The following UBE2L3 variants were observed in gnomAD, a reference collection of about 807,000 sequenced individuals.
The protein encoded by UBE2L3 is ubiquitin-conjugating enzyme E2 L3.
UBE2L3 carries 1 observed loss-of-function variant against 17.8 expected under a neutral mutation model. The ratio of observed to expected loss-of-function variants is 0.06; its 90% confidence interval spans 0.02 to 0.27. The LOEUF (loss-of-function observed/expected upper bound fraction) is 0.27, where lower values mean the gene tolerates loss of function less well. UBE2L3 is among the 10% of genes least tolerant of loss of function. The pLI is 1.00. For synonymous variants in UBE2L3, 44 were observed against 68.5 expected (o/e 0.64, Z 1.76); for missense variants, 40 against 192.6 (o/e 0.21, Z 4.69).
intron 2 of UBE2L3, among the ~76,000 whole-genome samples, chr22:21,601,682 G>T (rs1222068521): frequency 4.0e-5 from 6 of 151,816 alleles, no homozygotes; most frequent in Admixed American, 1.3e-4. Context: ...CCAGCCTGGG[G>T]CAGGGCCAGG....
chr22:21,614,436 AAAAAG>A, intron 3 of UBE2L3: 29 of 547,730 alleles, frequency 5.3e-5, no homozygotes, highest in Middle Eastern at 3.4e-4. Flanking sequence ...CCAAAAAAAA[AAAAAG>A]AAAGAAAGAA....
chr22:21,600,505 G>T (rs988909637), intron 2 of UBE2L3, among the ~76,000 whole-genome samples: 1 of 152,004 alleles, frequency 6.6e-6, no homozygotes, highest in African/African-American at 2.4e-5. Context: ...AGACCAGCCT[G>T]GCCAACATGG....
Position 21,569,512 on chromosome 22 carries a change from C to G in UBE2L3, c.27+1741C>G, listed in dbSNP as rs192584255. 5.3e-5 allele frequency among the ~76,000 whole-genome samples: 8 copies of G among 152,268 alleles called. No individual in the cohort carries two copies. The East Asian group carries it at 1.5e-3, about 29-fold the overall frequency. On this transcript the variant is annotated intron_variant, in intron 1 of 3. Coordinates refer to ENST00000342192, the MANE Select transcript of UBE2L3 (RefSeq NM_003347.4). ...GTGCCCTCCCAAGTGCTCTCCTCCC[C>G]AGACTACCCCTGACGGACACCAGAG...
upstream of UBE2L3, chr22:21,567,604 C>T: frequency 6.6e-7 from 1 of 1,508,152 alleles, no homozygotes; most frequent in Non-Finnish European, 8.9e-7. Flanking sequence ...CCCCCCAGCA[C>T]AGTGGGAAGC....
chr22:21,567,831 C>G (rs1335400086), intron 1 of UBE2L3, 60 bp downstream of exon 1: 2 of 1,556,988 alleles, frequency 1.3e-6, no homozygotes, highest in African/African-American at 1.4e-5. Flanking sequence ...TCCGGATCCC[C>G]GAGGCAGGCG....
Position 21,586,875 on chromosome 22 carries a change from CTTTTTTTT to C in UBE2L3, c.28-5971_28-5964del, listed in dbSNP as rs34463645. Among the ~76,000 whole-genome samples the C allele has an allele frequency of 6.7e-5, 8 of 118,930 alleles. 1 individual carries two copies. Among genetic ancestry groups the C allele is most frequent in the African/African-American group, 2.2e-4 (7 of 31,170 alleles). 78.0% of individuals were successfully genotyped at this position (118,930 alleles called of 152,430 possible). A position where few individuals can be genotyped will look rare whatever the true frequency, so the allele number is the denominator to read the frequency against. On this transcript the variant is annotated intron_variant, in intron 1 of 3. Transcript: ENST00000342192. ...ACAGGTGTGAGCCACTGTGCCCGGC[CTTTTTTTT>C]TTTTTTTTTTTTTTAAGATAGGTTC...
At position 21,623,380 on chromosome 22, in the gene UBE2L3, C is replaced by G. The variant is rs1031889270; in HGVS notation, c.*1711C>G. Reference sequence around the variant, plus strand: ...CCTTGTGCCCGGGATGGCAAGGGCACCGGGCTGGCGTTTCCACATCTGTCT... The same window carrying G: ...CCTTGTGCCCGGGATGGCAAGGGCAGCGGGCTGGCGTTTCCACATCTGTCT... On this transcript the variant is annotated 3_prime_UTR_variant, in exon 4 of 4. Transcript: ENST00000342192. 5 of 152,726 alleles carry G rather than the reference C, an allele frequency of 3.3e-5. No homozygotes were observed. Among genetic ancestry groups the G allele is most frequent in the African/African-American group, 1.2e-4 (5 of 41,428 alleles). 9.5% of individuals were successfully genotyped at this position (152,726 alleles called of 1,614,324 possible).
chr22:21,603,735 C>T lies in UBE2L3; in HGVS notation c.124-7122C>T, dbSNP rs144591884. On this transcript the variant is annotated intron_variant, in intron 2 of 3. Coordinates refer to ENST00000342192, the MANE Select transcript of UBE2L3 (RefSeq NM_003347.4). ...GTGGGTGCCTGTAGTCCTAGCTACT[C>T]GGGAGGCTGAGGCAGGAGAATGATA... Among the ~76,000 whole-genome samples the T allele has an allele frequency of 9.9e-3, 1,452 of 146,806 alleles. 28 individuals are homozygous for T. Among genetic ancestry groups the T allele is most frequent in the African/African-American group, 0.035 (1,383 of 39,618 alleles).
intron 1 of UBE2L3, 43 bp from the exon 2 acceptor site, chr22:21,592,818 C>T: frequency 6.8e-7 from 1 of 1,477,018 alleles, no homozygotes; most frequent in Non-Finnish European, 9.5e-7. Context: ...ATATGTGGTG[C>T]TTTCCCCTAT....
intron 2 of UBE2L3, among the ~76,000 whole-genome samples, chr22:21,607,801 G>A (rs959330078): frequency 6.6e-6 from 1 of 152,186 alleles, no homozygotes; most frequent in Admixed American, 6.5e-5. Context: ...TGCTGGCCCT[G>A]CCTGGTGATC....
intron 1 of UBE2L3, among the ~76,000 whole-genome samples, chr22:21,577,461 G>T (rs932647666): frequency 6.6e-6 from 1 of 152,212 alleles, no homozygotes; most frequent in Admixed American, 6.5e-5. Context: ...TCTGGTGGCT[G>T]TGTAGTTTCT....
intron 1 of UBE2L3, among the ~76,000 whole-genome samples, chr22:21,585,894 T>C (rs1320527211): frequency 6.6e-6 from 1 of 152,118 alleles, no homozygotes; most frequent in Admixed American, 6.6e-5. Context: ...TTCCTACATA[T>C]TTTGTTGGGG....
intron 1 of UBE2L3, among the ~76,000 whole-genome samples, chr22:21,588,736 T>C (rs1386977733): frequency 6.6e-6 from 1 of 152,000 alleles, no homozygotes; most frequent in African/African-American, 2.4e-5. Flanking sequence ...CAATCTTGGC[T>C]CACTACAACC....
intron 1 of UBE2L3, among the ~76,000 whole-genome samples, chr22:21,585,138 T>C (rs1406238531): frequency 6.6e-6 from 1 of 152,224 alleles, no homozygotes; most frequent in Non-Finnish European, 1.5e-5. Context: ...GTTCTTGTCC[T>C]GAGCAGCCCT....
chr22:21,567,987 C>A (rs1376423213), intron 1 of UBE2L3: 3 of 1,363,984 alleles, frequency 2.2e-6, no homozygotes, highest in East Asian at 3.1e-5. Flanking sequence ...GAGCCGCTGT[C>A]GGCCCCTCAG....
chr22:21,585,936 T>C, intron 1 of UBE2L3, among the ~76,000 whole-genome samples: 1 of 152,194 alleles, frequency 6.6e-6, no homozygotes, highest in South Asian at 2.1e-4. Flanking sequence ...GGATTTCTTT[T>C]CTAGTTTTTC....
At chr22:21,619,499 C>G (rs911553404) in intron 3 of UBE2L3, among the ~76,000 whole-genome samples, 3 of 152,216 alleles carry the variant, frequency 2.0e-5, no homozygotes, top group East Asian at 1.9e-4. Context: ...CTCTGCCCCA[C>G]TGCTTCACCT....
At chr22:21,615,869 A>G (rs1198170179) in intron 3 of UBE2L3, among the ~76,000 whole-genome samples, 2 of 152,186 alleles carry the variant, frequency 1.3e-5, no homozygotes, top group Non-Finnish European at 2.9e-5. Context: ...TGGGCTGTCT[A>G]ATGCCAAACT....
chr22:21,613,975 T>G (rs1250075638), intron 3 of UBE2L3, among the ~76,000 whole-genome samples: 3 of 152,184 alleles, frequency 2.0e-5, no homozygotes, highest in Admixed American at 2.0e-4. Flanking sequence ...AGTCCAGATT[T>G]AATGAGAGGG....
Sources: allele counts gnomAD v4.1 joint callset (sites outside exome capture counted in the v4.1 genomes callset), GRCh38; gene constraint gnomAD v4.1.1; transcripts MANE v1.5; gene names NCBI Gene and HGNC (gene_info 2026-07-23, HGNC 2026-07-21).